PPP2R5C: variants seen among roughly 807,000 people sequenced by gnomAD.
The protein encoded by PPP2R5C is protein phosphatase 2 regulatory subunit B'gamma, also known as serine/threonine-protein phosphatase 2A 56 kDa regulatory subunit gamma isoform.
PPP2R5C carries 7 observed loss-of-function variants against 68.9 expected under a neutral mutation model. That is an observed-to-expected ratio of 0.10 (90% CI 0.06 to 0.19). The LOEUF is 0.19. Among genes scored for constraint, PPP2R5C ranks in the 10% least tolerant of loss-of-function variants. The pLI, the probability that PPP2R5C is intolerant of heterozygous loss-of-function variation, is 1.00. For missense variants in PPP2R5C, 348 were observed against 641.3 expected, an observed-to-expected ratio of 0.54 and a Z score of 4.94; for synonymous variants, 210 against 222.2, an observed-to-expected ratio of 0.95 and a Z score of 0.49.
intron 1 of PPP2R5C, among the ~76,000 whole-genome samples, chr14:101,852,747 C>T (rs2042236783): frequency 6.6e-6 from 1 of 152,116 alleles, no homozygotes; most frequent in Non-Finnish European, 1.5e-5. Context: ...GCTGGGATTA[C>T]AGACGTGAGC....
chr14:101,832,779 C>T (rs996786087), intron 1 of PPP2R5C, among the ~76,000 whole-genome samples: 2 of 152,194 alleles, frequency 1.3e-5, no homozygotes, highest in African/African-American at 4.8e-5. Context: ...TCCACCCCGC[C>T]ACTCCCAGTC....
At chr14:101,866,959 G>A (rs1044143750) in intron 2 of PPP2R5C, among the ~76,000 whole-genome samples, 3 of 152,120 alleles carry the variant, frequency 2.0e-5, no homozygotes, top group Non-Finnish European at 4.4e-5. Context: ...GCTCACACCT[G>A]TAATCCCAGC....
chr14:101,865,737 A>G (rs1361861496), intron 2 of PPP2R5C, among the ~76,000 whole-genome samples: 1 of 152,230 alleles, frequency 6.6e-6, no homozygotes, highest in East Asian at 1.9e-4. Flanking sequence ...AAGCTTGGGC[A>G]GCCCCCGTGA....
chr14:101,818,721 G>A lies in PPP2R5C; in HGVS notation c.94+8685G>A, dbSNP rs544091299. 3 of 272,800 alleles carry A rather than the reference G, an allele frequency of 1.1e-5. No homozygotes were observed. The South Asian group carries it at 1.8e-4, about 17-fold the overall frequency. 16.9% of individuals were successfully genotyped at this position (272,800 alleles called of 1,614,324 possible). A position where few individuals can be genotyped will look rare whatever the true frequency, so the allele number is the denominator to read the frequency against. On this transcript the variant is annotated intron_variant, in intron 1 of 13. Coordinates refer to ENST00000334743, the Ensembl canonical transcript of PPP2R5C. ...CATTTCCCTTTAGTTGTTTTTAAAT[G>A]CAGATGTTGCTTTAATTAAATAATA...
At chr14:101,912,033 G>A (rs1283964893) in intron 11 of PPP2R5C, among the ~76,000 whole-genome samples, 1 of 152,004 alleles carries the variant, frequency 6.6e-6, no homozygotes, top group East Asian at 1.9e-4. Flanking sequence ...TTACAGTACT[G>A]GTCCCTTTAC....
In PPP2R5C at chr14:101,763,078, G is replaced by C. The variant is rs898326285; in HGVS notation, c.93+108G>C. 29 of 984,634 alleles carry C rather than the reference G, an allele frequency of 2.9e-5. 1 individual carries two copies. The South Asian group carries it at 4.3e-4, about 15-fold the overall frequency. The allele number at this position is 984,634 out of a possible 1,614,324, so 61.0% of individuals were successfully genotyped here. On this transcript the variant is annotated intron_variant, in intron 2 of 14. Transcript: ENST00000328724. ...AATCTTCTAAAATGTTTCCCTATGT[G>C]AGGTTTTTTTTTTGTGGTGTCTTTT...
At chr14:101,806,400 G>T (rs1432227831), upstream of PPP2R5C, among the ~76,000 whole-genome samples, 1 of 151,992 alleles carries the variant, frequency 6.6e-6, no homozygotes, top group Non-Finnish European at 1.5e-5. Context: ...GAGAATGATG[G>T]CTTCCAGTTT....
intron 1 of PPP2R5C, among the ~76,000 whole-genome samples, chr14:101,840,372 G>A (rs1308897141): frequency 3.3e-5 from 5 of 149,892 alleles, no homozygotes; most frequent in Non-Finnish European, 4.5e-5. Context: ...AGCTGGTCAC[G>A]GCTAGTTAAT....
At chr14:101,862,775 GT>G (rs2042823775) in intron 2 of PPP2R5C, among the ~76,000 whole-genome samples, 1 of 148,062 alleles carries the variant, frequency 6.8e-6, no homozygotes, top group South Asian at 2.1e-4. Context: ...GGAAAATATA[GT>G]TATTCATAAA....
intron 2 of PPP2R5C, among the ~76,000 whole-genome samples, chr14:101,862,481 C>T (rs1438325426): frequency 6.6e-6 from 1 of 152,170 alleles, no homozygotes; most frequent in Admixed American, 6.5e-5. Flanking sequence ...AGAGTATAGA[C>T]CCCTCACTGA....
At chr14:101,786,695 T>A (rs1264996276) in intron 3 of PPP2R5C, among the ~76,000 whole-genome samples, 1 of 152,268 alleles carries the variant, frequency 6.6e-6, no homozygotes, top group Non-Finnish European at 1.5e-5. Context: ...GAAAAAGTGC[T>A]CTTTACTTTG....
intron 11 of PPP2R5C, among the ~76,000 whole-genome samples, chr14:101,910,668 TA>T (rs1487388956): frequency 1.3e-5 from 2 of 151,116 alleles, no homozygotes; most frequent in South Asian, 2.1e-4. Context: ...CCATCTCTAC[TA>T]AAAAATACCA....
At chr14:101,860,142 G>A (rs1055749173) in intron 2 of PPP2R5C, among the ~76,000 whole-genome samples, 6 of 152,064 alleles carry the variant, frequency 3.9e-5, no homozygotes, top group African/African-American at 1.4e-4. Context: ...TTTTAGAACA[G>A]TTTCATCCCC....
At chr14:101,920,756 G>T (rs979905677) in intron 13 of PPP2R5C, among the ~76,000 whole-genome samples, 3 of 152,152 alleles carry the variant, frequency 2.0e-5, no homozygotes, top group Non-Finnish European at 4.4e-5. Context: ...GCAATTCCAA[G>T]ACTTCTTATA....
intron 2 of PPP2R5C, 59 bp downstream of exon 4, chr14:101,856,944 A>G: frequency 6.7e-7 from 1 of 1,502,286 alleles, no homozygotes; most frequent in Non-Finnish European, 9.2e-7. Context: ...AGGACAGGCC[A>G]AGATCTCTGA....
chr14:101,831,427 G>C (rs2040733617), intron 1 of PPP2R5C, among the ~76,000 whole-genome samples: 1 of 152,204 alleles, frequency 6.6e-6, no homozygotes, highest in Non-Finnish European at 1.5e-5. Context: ...CTTTTGAATG[G>C]AGCTATTCAA....
chr14:101,767,283 C>T (rs942285083), intron 2 of PPP2R5C, among the ~76,000 whole-genome samples: 24 of 152,012 alleles, frequency 1.6e-4, no homozygotes, highest in African/African-American at 5.1e-4. Flanking sequence ...AGGTGCTAGG[C>T]GGAAGGGTAA....
At chr14:101,878,599 T>G (rs1434222936) in intron 2 of PPP2R5C, among the ~76,000 whole-genome samples, 1 of 152,224 alleles carries the variant, frequency 6.6e-6, no homozygotes, top group Non-Finnish European at 1.5e-5. Flanking sequence ...AGGACTTGCC[T>G]TCTGCAGTGG....
At chr14:101,768,349 A>G (rs1426191692) in intron 2 of PPP2R5C, among the ~76,000 whole-genome samples, 1 of 151,908 alleles carries the variant, frequency 6.6e-6, no homozygotes, top group Non-Finnish European at 1.5e-5. Flanking sequence ...ACTCCTTTAT[A>G]CTCTTCACAA....
Sources: gnomAD v4.1 joint callset for allele counts (sites outside exome capture counted in the v4.1 genomes callset) on GRCh38, gnomAD v4.1.1 for gene constraint, MANE v1.5 for transcripts, NCBI Gene and HGNC (gene_info 2026-07-23, HGNC 2026-07-21) for gene names.